IRX1: variants seen among roughly 807,000 people sequenced by gnomAD.
The protein encoded by IRX1 is iroquois-class homeodomain protein IRX-1.
A neutral mutation model predicts 34.1 loss-of-function variants in IRX1; 22 were observed. The observed-to-expected ratio is 0.64, with a 90% CI of 0.46 to 0.92. The LOEUF (loss-of-function observed/expected upper bound fraction) is 0.92. IRX1 is among the 40% of genes least tolerant of loss of function. The pLI is 0.00. For missense variants in IRX1, 758 were observed against 680.0 expected (o/e 1.11, Z -1.28); for synonymous variants, 363 against 319.0 (o/e 1.14, Z -1.47).
Position 3,601,152 on chromosome 5 carries a change from C to A in IRX1, c.*112C>A. Reference sequence around the variant, plus strand: ...AGACTGGTGTAAAGGACAAATATGACAACGACGTCAAGGACTCGCATCCGT... The same window carrying A: ...AGACTGGTGTAAAGGACAAATATGAAAACGACGTCAAGGACTCGCATCCGT... On this transcript the variant is annotated 3_prime_UTR_variant, in exon 4 of 4. Transcript: ENST00000302006. 1 of 1,000,520 alleles carries A rather than the reference C, an allele frequency of 1.0e-6. No individual in the cohort carries two copies. Among genetic ancestry groups the A allele is most frequent in the Non-Finnish European group, 1.5e-6 (1 of 651,176 alleles). The allele number at this position is 1,000,520 out of a possible 1,614,324, so 62.0% of individuals were successfully genotyped here.
rs779694087 is a variant in IRX1, at chr5:3,596,328, A to G, written c.223A>G (p.Asn75Asp). 3 of 1,517,276 alleles carry G rather than the reference A, an allele frequency of 2.0e-6. No homozygotes were observed. The highest frequency in any genetic ancestry group is 1.8e-6 in the Non-Finnish European group (2 of 1,136,894). 94.0% of individuals were successfully genotyped at this position (1,517,276 alleles called of 1,614,324 possible). ...AAAGPYAGAP[N>D]YSAFLPYAAD... ...GGCGGGGCCGTACGCGGGCGCGCCC[A>G]ACTACAGCGCCTTCCTGCCCTACGC... is the stretch of plus-strand genomic sequence containing the variant. The change falls in exon 1 of 4, where the codon AAC (asparagine) becomes GAC (aspartate). Residue 75 changes from asparagine (N) to aspartate (D), a missense_variant. Asn to Asp is a conservative substitution (Grantham distance 23, BLOSUM62 1). This residue lies in a region of IRX1 where 195 missense variants were observed against 195.0 expected (regional missense o/e 1.00). Coordinates refer to ENST00000302006, the MANE Select transcript of IRX1 (RefSeq NM_024337.4).
At chr5:3,596,590 C>T (rs1197867710) in intron 1 of IRX1, among the ~76,000 whole-genome samples, 1 of 152,130 alleles carries the variant, frequency 6.6e-6, no homozygotes, top group Non-Finnish European at 1.5e-5. Flanking sequence ...TGGGCCATCT[C>T]GGCCTGGGAA....
rs1338860411 is a variant in IRX1, at chr5:3,601,178, C to G, written c.*138C>G. The stretch of plus-strand genomic sequence containing the variant: ...AACGACGTCAAGGACTCGCATCCGT[C>G]GCTTTCTGCAGAAAGGGGCTTCTTC... On this transcript the variant is annotated 3_prime_UTR_variant, in exon 4 of 4. Transcript: ENST00000302006. The G allele has an allele frequency of 1.2e-6, 1 of 844,910 alleles. No homozygotes were observed. Among genetic ancestry groups the G allele is most frequent in the Non-Finnish European group, 1.9e-6 (1 of 524,670 alleles). 52.3% of individuals were successfully genotyped at this position (844,910 alleles called of 1,614,324 possible). A position where few individuals can be genotyped will look rare whatever the true frequency, so the allele number is the denominator to read the frequency against.
intron 2 of IRX1, 115 bp from the exon 3 acceptor site, chr5:3,600,494 G>C: frequency 5.0e-6 from 5 of 1,009,360 alleles, no homozygotes; most frequent in East Asian, 5.2e-5. Flanking sequence ...GGGGTGAGGG[G>C]TGACGTTTTT....
At chr5:3,596,443 G>T in intron 1 of IRX1, 62 bp downstream of exon 1, 2 of 1,363,614 alleles carry the variant, frequency 1.5e-6, no homozygotes. Flanking sequence ...CAAGGGTGGC[G>T]GGTCGCCCGG....
At chr5:3,596,956 G>A (rs1743711394) in intron 1 of IRX1, among the ~76,000 whole-genome samples, 1 of 152,156 alleles carries the variant, frequency 6.6e-6, no homozygotes, top group Non-Finnish European at 1.5e-5. Context: ...GGTCCAAAGG[G>A]ATGGAGAGGT....
Position 3,600,156 on chromosome 5 carries a change from G to C in IRX1, c.1208G>C (p.Gly403Ala), listed in dbSNP as rs747542605. 1.2e-6 allele frequency: 2 copies of C among 1,612,914 alleles called. No homozygotes were observed. The highest frequency in any genetic ancestry group is 3.3e-5 in the Admixed American group (2 of 59,994). Residue 403 changes from glycine to alanine, a missense_variant, in exon 2 of 4, where the codon GGC becomes GCC. Physicochemically the swap from Gly to Ala is moderately conservative, Grantham distance 60. This residue lies in a region of IRX1 where 529 missense variants were observed against 418.8 expected (regional missense o/e 1.26). Coordinates refer to ENST00000302006, the MANE Select transcript of IRX1 (RefSeq NM_024337.4). Reference protein sequence around the residue: ...GVGAPHAAPHGPHLPAPPPPQ... With the variant: ...GVGAPHAAPHAPHLPAPPPPQ... ...GGCGCTCCCCACGCCGCGCCCCATG[G>C]CCCTCACCTTCCTGCACCTCCACCA...
At chr5:3,597,923 C>T (rs1418113626) in intron 1 of IRX1, among the ~76,000 whole-genome samples, 1 of 152,142 alleles carries the variant, frequency 6.6e-6, no homozygotes, top group Non-Finnish European at 1.5e-5. Flanking sequence ...GGGAACCCTG[C>T]CTGTGTTTGC....
chr5:3,598,923 AGAGT>A (rs1733866698), intron 1 of IRX1, among the ~76,000 whole-genome samples: 1 of 152,088 alleles, frequency 6.6e-6, no homozygotes, highest in Non-Finnish European at 1.5e-5. Context: ...GCTCTTCTGG[AGAGT>A]GCACTGTTTG....
chr5:3,600,341 A>C, intron 2 of IRX1, 81 bp downstream of exon 2: 2 of 1,332,976 alleles, frequency 1.5e-6, no homozygotes, highest in South Asian at 2.9e-5. Context: ...GGGGTGCAGC[A>C]TGAGCCGGGA....
At position 3,600,661 on chromosome 5, in the gene IRX1, C is replaced by T. The variant is rs775969921; in HGVS notation, c.1365C>T (p.Pro455=). 3.1e-6 allele frequency: 5 copies of T among 1,613,604 alleles called. No homozygotes were observed. The East Asian group carries it at 8.9e-5, about 29-fold the overall frequency. ...CGCCGGCACAGCAGTTAAAGTCGCC[C>T]TTCCAGCCGGTACGCGACAAGTGAG... ...PDSPAQQLKS[P]FQPVRDNSLA... The change falls in exon 3 of 4, where the codon CCC becomes CCT. Residue 455 remains proline (P), a synonymous_variant. Coordinates refer to ENST00000302006, the MANE Select transcript of IRX1 (RefSeq NM_024337.4).
At chr5:3,596,531 C>T (rs1391949375) in intron 1 of IRX1, 150 bp downstream of exon 1, 2 of 780,912 alleles carry the variant, frequency 2.6e-6, no homozygotes, top group East Asian at 7.1e-5. Flanking sequence ...TGGCCGAGGC[C>T]GCGGCCCCCG....
Position 3,598,841 on chromosome 5 carries a change from A to C in IRX1, c.277-384A>C, listed in dbSNP as rs565044456. ...TAGTGAAAGATAAACTTGGAAATGC[A>C]GGTTTCTCCAGCGGTTGGTGGTGGG... On this transcript the variant is annotated intron_variant, in intron 1 of 3. Coordinates refer to ENST00000302006, the MANE Select transcript of IRX1 (RefSeq NM_024337.4). 7.9e-5 allele frequency among the ~76,000 whole-genome samples: 12 copies of C among 152,290 alleles called. No homozygotes were observed. The East Asian group carries it at 1.9e-3, about 25-fold the overall frequency.
At chr5:3,600,832 G>C in intron 3 of IRX1, 151 bp downstream of exon 3, 3 of 1,148,326 alleles carry the variant, frequency 2.6e-6, no homozygotes. Flanking sequence ...CGCCGGGCGA[G>C]CCGAGGAGAC....
Position 3,596,309 on chromosome 5 carries a change from G to C in IRX1, c.204G>C (p.Gly68=). ...TGCTGGGCATGTACGCGGCGGCGGG[G>C]CCGTACGCGGGCGCGCCCAACTACA... ...TSVLGMYAAA[G]PYAGAPNYSA... The change falls in exon 1 of 4, where the codon GGG becomes GGC. Residue 68 remains glycine, a synonymous_variant. Transcript: ENST00000302006. The C allele has an allele frequency of 6.8e-7, 1 of 1,478,040 alleles. No homozygotes were observed. 91.6% of individuals were successfully genotyped at this position (1,478,040 alleles called of 1,614,324 possible). A position where few individuals can be genotyped will look rare whatever the true frequency, so the allele number is the denominator to read the frequency against.
intron 1 of IRX1, among the ~76,000 whole-genome samples, chr5:3,598,433 A>G (rs552879936): frequency 6.6e-6 from 1 of 152,110 alleles, no homozygotes. Flanking sequence ...GAGGCCTAGG[A>G]TACTGAACCG....
In IRX1 at chr5:3,600,653, A is replaced by C. The variant is rs1223077677; in HGVS notation, c.1357A>C (p.Lys453Gln). 4.3e-6 allele frequency: 7 copies of C among 1,613,672 alleles called. No individual in the cohort carries two copies. Among genetic ancestry groups the C allele is most frequent in the East Asian group, 2.2e-5 (1 of 44,890 alleles). ...PRPDSPAQQLKSPFQPVRDNS... is the reference protein window; with the variant it reads ...PRPDSPAQQLQSPFQPVRDNS... ...GCCAGATTCGCCGGCACAGCAGTTA[A>C]AGTCGCCCTTCCAGCCGGTACGCGA... Residue 453 changes from lysine to glutamine, a missense_variant, in exon 3 of 4, where the codon AAG becomes CAG. Coordinates refer to ENST00000302006, the MANE Select transcript of IRX1 (RefSeq NM_024337.4).
Position 3,600,072 on chromosome 5 carries a change from C to T in IRX1, c.1124C>T (p.Thr375Ile), listed in dbSNP as rs780695486. The change falls in exon 2 of 4, where the codon ACC (threonine) becomes ATC (isoleucine). Residue 375 changes from threonine to isoleucine, a missense_variant. Around this residue, in one of 3 missense-constraint regions of IRX1, gnomAD observed 529 missense variants for 418.8 expected, o/e 1.26. Coordinates refer to ENST00000302006, the MANE Select transcript of IRX1 (RefSeq NM_024337.4). Reference sequence around the variant, plus strand: ...CACATCGGCAAGTTCTCCAACTGGACCAACAGCGCATTCCTCGCACAGGGC... The same window carrying T: ...CACATCGGCAAGTTCTCCAACTGGATCAACAGCGCATTCCTCGCACAGGGC... ...TCHIGKFSNW[T>I]NSAFLAQGSL... The T allele has an allele frequency of 1.2e-6, 2 of 1,611,550 alleles. No individual in the cohort carries two copies. The highest frequency in any genetic ancestry group is 1.7e-6 in the Non-Finnish European group (2 of 1,179,050).
chr5:3,599,972 G>A lies in IRX1; in HGVS notation c.1024G>A (p.Gly342Ser). ...GCCACCACCACCCGCGGGCCACCCC[G>A]GCGCGCACGGGCCCTCCGCCGGGGC... ...ASPPPPAGHP[G>S]AHGPSAGAPL... The change falls in exon 2 of 4, where the codon GGC becomes AGC. Residue 342 changes from glycine (G) to serine (S), a missense_variant. Gly to Ser is a moderately conservative substitution (Grantham distance 56, BLOSUM62 0). Transcript: ENST00000302006. The surrounding 1 kb of genome is among the most constrained non-coding windows in gnomAD (Gnocchi z 6.6). 1.3e-6 allele frequency: 2 copies of A among 1,508,310 alleles called. No individual in the cohort carries two copies. The highest frequency in any genetic ancestry group is 1.8e-6 in the Non-Finnish European group (2 of 1,124,060). The allele number at this position is 1,508,310 out of a possible 1,614,324, so 93.4% of individuals were successfully genotyped here.
Sources: gnomAD v4.1 joint callset for allele counts (sites outside exome capture counted in the v4.1 genomes callset) on GRCh38, gnomAD v4.1.1 for gene constraint, gnomAD v4.1.1 regional missense constraint, Gnocchi (gnomAD v3.1) non-coding constraint, MANE v1.5 for transcripts, NCBI Gene and HGNC (gene_info 2026-07-23, HGNC 2026-07-21) for gene names.